Variants in SLF1 observed in about 807,000 individuals in gnomAD.
SLF1 encodes the protein SMC5-SMC6 complex localization factor protein 1.
In SLF1, 105 loss-of-function variants were observed where a neutral mutation model predicts 123.0. The ratio of observed to expected loss-of-function variants is 0.85; its 90% CI spans 0.73 to 1.00. SLF1 has a LOEUF of 1.00. Ranked by LOEUF, SLF1 falls within the 50% of genes least tolerant of loss-of-function variation. The pLI is 0.00. For synonymous variants in SLF1, 434 were observed against 406.6 expected (o/e 1.07, Z -0.81); for missense variants, 1,239 against 1,223.0 (o/e 1.01, Z -0.20).
Position 94,649,564 on chromosome 5 carries a change from A to C in SLF1, c.705A>C (p.Lys235Asn). Residue 235 changes from lysine (K) to asparagine (N), a missense_variant, in exon 6 of 21, where the codon AAA becomes AAC. Physicochemically the swap from Lys to Asn is moderately conservative, Grantham distance 94. Transcript: ENST00000265140. ...AAGATGCAGGATTTCTTGAAATGAA[A>C]GGTGCCTTAAGAGAGACCATGTATA... ...FRKDAGFLEMKGALRETMYRT... is the reference protein window; with the variant it reads ...FRKDAGFLEMNGALRETMYRT... 1.3e-6 allele frequency: 2 copies of C among 1,538,244 alleles called. No homozygotes were observed. The highest frequency in any genetic ancestry group is 1.8e-6 in the Non-Finnish European group (2 of 1,137,678).
At chr5:94,679,396 C>T (rs769967431) in intron 15 of SLF1, among the ~76,000 whole-genome samples, 2 of 151,902 alleles carry the variant, frequency 1.3e-5, no homozygotes, top group African/African-American at 4.8e-5. Context: ...GAGTTTGAGA[C>T]CAGCATGTGC....
intron 7 of SLF1, among the ~76,000 whole-genome samples, chr5:94,652,423 G>A (rs751625497): frequency 2.0e-5 from 3 of 152,142 alleles, no homozygotes; most frequent in Non-Finnish European, 2.9e-5. Context: ...ACAGCTGTGT[G>A]TGTATCTCTA....
chr5:94,619,661 AATGT>A (rs1561409734), intron 1 of SLF1, among the ~76,000 whole-genome samples: 2 of 152,206 alleles, frequency 1.3e-5, no homozygotes, highest in African/African-American at 4.8e-5. Flanking sequence ...CTGAATTTAC[AATGT>A]ATGTGTGACA....
At chr5:94,640,818 TC>T (rs1198971069) in intron 4 of SLF1, among the ~76,000 whole-genome samples, 1 of 152,198 alleles carries the variant, frequency 6.6e-6, no homozygotes, top group East Asian at 1.9e-4. Flanking sequence ...CATTGAACTC[TC>T]CAGTGAATTC....
chr5:94,689,385 G>T (rs1752819822), intron 17 of SLF1, 88 bp from the exon 18 acceptor site: 1 of 1,342,626 alleles, frequency 7.4e-7, no homozygotes, highest in East Asian at 2.4e-5. Flanking sequence ...ATTAAAAGGG[G>T]GCTAGACTTT....
Position 94,671,014 on chromosome 5 carries a change from T to C in SLF1, c.1827+6T>C. ...AAAAATTCAAGTCTAATGATGTAAG[T>C]AGGATTAATTTATAGATGAATAGTC... On this transcript the variant is annotated splice_donor_region_variant and intron_variant, in intron 14 of 20. Coordinates refer to ENST00000265140, the MANE Select transcript of SLF1 (RefSeq NM_032290.4). 1 of 1,501,886 alleles carries C rather than the reference T, an allele frequency of 6.7e-7. No individual in the cohort carries two copies. Among genetic ancestry groups the C allele is most frequent in the Non-Finnish European group, 9.0e-7 (1 of 1,106,914 alleles). 93.0% of individuals were successfully genotyped at this position (1,501,886 alleles called of 1,614,324 possible).
chr5:94,672,026 G>T (rs1750522483), intron 14 of SLF1, among the ~76,000 whole-genome samples: 1 of 152,006 alleles, frequency 6.6e-6, no homozygotes, highest in African/African-American at 2.4e-5. Flanking sequence ...ATAAGACTAG[G>T]AACCAGAATG....
In SLF1 at chr5:94,688,564, A is replaced by G. The variant is rs771642568; in HGVS notation, c.2180A>G (p.Gln727Arg). Reference protein sequence around the residue: ...KTGVLGSGKIQVSKKIGQRPC... With the variant: ...KTGVLGSGKIRVSKKIGQRPC... ...GGTGTGCTTGGGTCTGGAAAGATTC[A>G]GGTGTCAAAGAAAATAGGACAGCGG... Residue 727 changes from glutamine to arginine, a missense_variant, in exon 17 of 21, where the codon CAG (glutamine) becomes CGG (arginine). Physicochemically the swap from Gln to Arg is conservative, Grantham distance 43. Coordinates refer to ENST00000265140, the MANE Select transcript of SLF1 (RefSeq NM_032290.4). 1.2e-6 allele frequency: 2 copies of G among 1,614,096 alleles called. No individual in the cohort carries two copies. Among genetic ancestry groups the G allele is most frequent in the Non-Finnish European group, 1.7e-6 (2 of 1,179,950 alleles).
rs1262235367 is a variant in SLF1, at chr5:94,628,904, T to G, written c.94T>G (p.Cys32Gly). 1 of 1,546,044 alleles carries G rather than the reference T, an allele frequency of 6.5e-7. No homozygotes were observed. Among genetic ancestry groups the G allele is most frequent in the Non-Finnish European group, 8.7e-7 (1 of 1,144,556 alleles). The change falls in exon 2 of 21, where the codon TGC becomes GGC. Residue 32 changes from cysteine (C) to glycine (G), a missense_variant. Coordinates refer to ENST00000265140, the MANE Select transcript of SLF1 (RefSeq NM_032290.4). Reference sequence around the variant, plus strand: ...AGTCAAATTACTTTTAAAACTAGATTGCACTTTTATTAAGAGTGAGGTAAG... The same window carrying G: ...AGTCAAATTACTTTTAAAACTAGATGGCACTTTTATTAAGAGTGAGGTAAG... ...ALVKLLLKLD[C>G]TFIKSEKYKN...
chr5:94,693,812 A>G (rs552779276), intron 20 of SLF1, among the ~76,000 whole-genome samples: 11 of 151,416 alleles, frequency 7.3e-5, no homozygotes, highest in African/African-American at 2.4e-4. Context: ...ATGTTGGCAC[A>G]GTGAAAAGGA....
rs768737127 is a variant in SLF1 at position 94,692,074 on chromosome 5, A to G, written c.2513A>G (p.Asp838Gly). 1 of 1,612,988 alleles carries G rather than the reference A, an allele frequency of 6.2e-7. No homozygotes were observed. Among genetic ancestry groups the G allele is most frequent in the African/African-American group, 1.3e-5 (1 of 74,972 alleles). ...AAACTTGCCTTGATTTCTAATTTAG[A>G]CAATGCTGGCTGGACGCCTTTGCAT... is the stretch of plus-strand genomic sequence containing the variant. ...SLPGIDINVK[D>G]NAGWTPLHEA... The change falls in exon 20 of 21, where the codon GAC becomes GGC. Residue 838 changes from aspartate (D) to glycine (G), a missense_variant and splice_region_variant. By Grantham distance (94) the Asp-to-Gly change is moderately conservative (BLOSUM62 -1). Coordinates refer to ENST00000265140, the MANE Select transcript of SLF1 (RefSeq NM_032290.4).
chr5:94,693,865 C>T (rs886752539), intron 20 of SLF1, among the ~76,000 whole-genome samples: 10 of 150,866 alleles, frequency 6.6e-5, no homozygotes, highest in Non-Finnish European at 1.3e-4. Flanking sequence ...ATAAATTATA[C>T]ATTAATCATA....
At position 94,692,275 on chromosome 5, in the gene SLF1, A is replaced by G. The variant is rs763878309; in HGVS notation, c.2695+19A>G. 59 of 1,600,122 alleles carry G rather than the reference A, an allele frequency of 3.7e-5. No homozygotes were observed. In the South Asian group the frequency reaches 6.0e-4, roughly 16 times the overall value. On this transcript the variant is annotated intron_variant, in intron 20 of 20. Coordinates refer to ENST00000265140, the MANE Select transcript of SLF1 (RefSeq NM_032290.4). ...CATGGGGGTGAGTGTGTTTATGCTA[A>G]ATGGGTTTTGATAAATTATCCAGTT...
chr5:94,623,066 T>A (rs966261860), intron 1 of SLF1, among the ~76,000 whole-genome samples: 2 of 152,154 alleles, frequency 1.3e-5, no homozygotes, highest in African/African-American at 4.8e-5. Context: ...TCAAACATGT[T>A]CTAGCTATGT....
chr5:94,683,259 A>C (rs1488553198), intron 15 of SLF1, among the ~76,000 whole-genome samples: 1 of 152,110 alleles, frequency 6.6e-6, no homozygotes, highest in Non-Finnish European at 1.5e-5. Context: ...CTAAATATAA[A>C]TGTTTATGTA....
intron 17 of SLF1, 34 bp downstream of exon 17, chr5:94,688,703 T>C (rs1585239606): frequency 6.2e-7 from 1 of 1,608,238 alleles, no homozygotes. Flanking sequence ...TGTGCTTTGT[T>C]TTGGAGTACA....
intron 9 of SLF1, among the ~76,000 whole-genome samples, chr5:94,657,890 T>C (rs1486635413): frequency 6.6e-6 from 1 of 152,118 alleles, no homozygotes; most frequent in Non-Finnish European, 1.5e-5. Flanking sequence ...TCCGTTCTTG[T>C]GGAATATCTT....
chr5:94,694,842 T>A lies in SLF1; in HGVS notation c.2707T>A (p.Leu903Ile). 6.4e-7 allele frequency: 1 copy of A among 1,568,406 alleles called. No individual in the cohort carries two copies. The highest frequency in any genetic ancestry group is 1.2e-5 in the South Asian group (1 of 83,246). ...LLLQHGGPVL[L>I]QQRNAKGELP... ...TTTTCTTTTCACAGGCCCAGTGCTT[T>A]TACAACAGAGGAATGCTAAGGGAGA... The change falls in exon 21 of 21, where the codon TTA becomes ATA. Residue 903 changes from leucine (L) to isoleucine (I), a missense_variant. Physicochemically the swap from Leu to Ile is conservative, Grantham distance 5. Coordinates refer to ENST00000265140, the MANE Select transcript of SLF1 (RefSeq NM_032290.4).
In SLF1 at chr5:94,670,931, G is replaced by A. The variant is rs1750365432; in HGVS notation, c.1750G>A (p.Gly584Arg). The change falls in exon 14 of 21, where the codon GGG becomes AGG. Residue 584 changes from glycine (G) to arginine (R), a missense_variant. Transcript: ENST00000265140. The stretch of plus-strand genomic sequence containing the variant: ...TTTTTGGTCAGGAAGTGAAACCTCT[G>A]GGCTTTTGACCAAACCAGTAAATAT... The part of the protein sequence containing the change: ...EIFWSGSETS[G>R]LLTKPVNMLL... 6.5e-7 allele frequency: 1 copy of A among 1,549,524 alleles called. No homozygotes were observed. The highest frequency in any genetic ancestry group is 8.7e-7 in the Non-Finnish European group (1 of 1,145,626).
Sources: allele counts gnomAD v4.1 joint callset (sites outside exome capture counted in the v4.1 genomes callset), GRCh38; gene constraint gnomAD v4.1.1; transcripts MANE v1.5; gene names NCBI Gene and HGNC (gene_info 2026-07-23, HGNC 2026-07-21).